The following AFAP1L1 variants were observed in gnomAD, a reference collection of about 807,000 sequenced individuals.
AFAP1L1 encodes the protein actin filament-associated protein 1-like 1.
In AFAP1L1, 77 loss-of-function variants were observed where a neutral mutation model predicts 99.8. The observed-to-expected ratio is 0.77, with a 90% CI of 0.64 to 0.93. The LOEUF (loss-of-function observed/expected upper bound fraction) is 0.93. Ranked by LOEUF, AFAP1L1 falls within the 40% of genes least tolerant of loss-of-function variation. AFAP1L1 has a pLI of 0.00. For synonymous variants in AFAP1L1, 373 were observed against 395.3 expected, an observed-to-expected ratio of 0.94 and a Z score of 0.67; for missense variants, 893 against 996.8, an observed-to-expected ratio of 0.90 and a Z score of 1.40.
At position 149,307,469 on chromosome 5, in the gene AFAP1L1, C is replaced by A; in HGVS notation, c.603C>A (p.Ser201Arg). 1 of 1,614,138 alleles carries A rather than the reference C, an allele frequency of 6.2e-7. No individual in the cohort carries two copies. Among genetic ancestry groups the A allele is most frequent in the Non-Finnish European group, 8.5e-7 (1 of 1,180,016 alleles). ...ATGAAGAGGAGGAGGAAGGGAAGAG[C>A]CCGCAGCCCCGACACCAGTGGCCCT... is the stretch of plus-strand genomic sequence containing the variant. ...SYDEEEEEGK[S>R]PQPRHQWPSE... The change falls in exon 7 of 19, where the codon AGC (serine) becomes AGA (arginine). Residue 201 changes from serine (S) to arginine (R), a missense_variant. Transcript: ENST00000296721.
Position 149,341,660 on chromosome 5 carries a change from G to A in AFAP1L1, c.*1630G>A, listed in dbSNP as rs1016705397. ...TAGTCCCAGCTACTCAGGAGGCTGA[G>A]GCAGGAGGACCGCTTGAGCCCAGGA... On this transcript the variant is annotated 3_prime_UTR_variant, in exon 19 of 19. Transcript: ENST00000296721. 11 of 152,372 alleles carry A rather than the reference G, an allele frequency of 7.2e-5. No individual in the cohort carries two copies. Among genetic ancestry groups the A allele is most frequent in the African/African-American group, 2.6e-4 (11 of 41,568 alleles). The allele number at this position is 152,372 out of a possible 1,614,324, so 9.4% of individuals were successfully genotyped here.
intron 16 of AFAP1L1, among the ~76,000 whole-genome samples, chr5:149,332,341 G>A (rs949958349): frequency 6.6e-6 from 1 of 152,176 alleles, no homozygotes; most frequent in African/African-American, 2.4e-5. Context: ...AGGTTGCAGT[G>A]AGCTGAGATC....
chr5:149,329,879 C>T (rs757520211), intron 16 of AFAP1L1, 49 bp downstream of exon 16: 5 of 1,510,780 alleles, frequency 3.3e-6, no homozygotes, highest in Non-Finnish European at 4.4e-6. Flanking sequence ...CCAGCTCATC[C>T]TTGGGTACAG....
chr5:149,335,743 C>T, intron 18 of AFAP1L1, 21 bp downstream of exon 18: 2 of 1,603,716 alleles, frequency 1.2e-6, no homozygotes, highest in South Asian at 2.3e-5. Flanking sequence ...AGTTCTGCTC[C>T]TCAAAAATCA....
At chr5:149,281,134 T>C (rs10062080) in intron 1 of AFAP1L1, among the ~76,000 whole-genome samples, 73,440 of 152,006 alleles carry the variant, frequency 0.48, 18,345 homozygotes, top group East Asian at 0.78. Context: ...CACTTAGCAG[T>C]CATTCACGGT....
chr5:149,315,703 C>T, intron 9 of AFAP1L1, 118 bp from the exon 10 acceptor site: 1 of 815,388 alleles, frequency 1.2e-6, no homozygotes, highest in East Asian at 2.7e-5. Context: ...TGCTGACAAA[C>T]ATTTGTTAGC....
chr5:149,316,301 G>A lies in AFAP1L1; in HGVS notation c.1265G>A (p.Cys422Tyr), dbSNP rs1756795951. 1 of 1,613,818 alleles carries A rather than the reference G, an allele frequency of 6.2e-7. No individual in the cohort carries two copies. The highest frequency in any genetic ancestry group is 8.5e-7 in the Non-Finnish European group (1 of 1,179,888). ...TSSTEEEVPCCGYLNVLVNQG... is the reference protein window; with the variant it reads ...TSSTEEEVPCYGYLNVLVNQG... ...TCCACCGAGGAGGAGGTTCCCTGCT[G>A]TGGTGGGTCCAGGGCACGGGGAGGA... The change falls in exon 11 of 19, where the codon TGT becomes TAT. Residue 422 changes from cysteine to tyrosine, a missense_variant and splice_region_variant. Coordinates refer to ENST00000296721, the MANE Select transcript of AFAP1L1 (RefSeq NM_152406.4).
intron 12 of AFAP1L1, 76 bp downstream of exon 12, chr5:149,318,016 G>T (rs981483015): frequency 2.0e-6 from 3 of 1,491,858 alleles, no homozygotes; most frequent in African/African-American, 2.8e-5. Flanking sequence ...TTGTTTGGGG[G>T]AGCCCTTGCT....
chr5:149,302,268 C>A, intron 4 of AFAP1L1, 150 bp from the exon 5 acceptor site: 1 of 531,914 alleles, frequency 1.9e-6, no homozygotes, highest in Non-Finnish European at 3.2e-6. Flanking sequence ...AATATGCCCT[C>A]GAGTTTTACC....
At chr5:149,318,782 T>C (rs1240170768) in intron 12 of AFAP1L1, among the ~76,000 whole-genome samples, 2 of 152,232 alleles carry the variant, frequency 1.3e-5, no homozygotes, top group Admixed American at 1.3e-4. Context: ...AACTACCTTC[T>C]GCCATTACAG....
At chr5:149,298,705 A>G (rs1443609302) in intron 1 of AFAP1L1, among the ~76,000 whole-genome samples, 1 of 152,216 alleles carries the variant, frequency 6.6e-6, no homozygotes, top group African/African-American at 2.4e-5. Context: ...GTTACTTTTC[A>G]GGACAGGGAG....
intron 1 of AFAP1L1, among the ~76,000 whole-genome samples, chr5:149,280,145 A>G (rs1362343462): frequency 6.6e-6 from 1 of 152,252 alleles, no homozygotes; most frequent in Non-Finnish European, 1.5e-5. Context: ...AGGATTCTCC[A>G]TGTCAATGAT....
Position 149,340,031 on chromosome 5 carries a change from G to A in AFAP1L1, c.*1G>A. On this transcript the variant is annotated 3_prime_UTR_variant, in exon 19 of 19. Coordinates refer to ENST00000296721, the MANE Select transcript of AFAP1L1 (RefSeq NM_152406.4). ...GGAATGGGAAATGAAGAAGACCTAG[G>A]AAGAGGATGAGGATTTCATTCCAAA... The A allele has an allele frequency of 2.5e-6, 4 of 1,613,986 alleles. No homozygotes were observed. The South Asian group carries it at 3.3e-5, about 13-fold the overall frequency.
chr5:149,333,586 C>T (rs74579181), intron 17 of AFAP1L1, among the ~76,000 whole-genome samples: 3 of 149,132 alleles, frequency 2.0e-5, no homozygotes, highest in African/African-American at 7.5e-5. Context: ...CTTCTCTGAC[C>T]TCATCTACAC....
At position 149,320,270 on chromosome 5, in the gene AFAP1L1, C is replaced by A. The variant is rs750222047; in HGVS notation, c.1626-121C>A. On this transcript the variant is annotated intron_variant, in intron 13 of 18. Coordinates refer to ENST00000296721, the MANE Select transcript of AFAP1L1 (RefSeq NM_152406.4). The surrounding 1 kb of genome is among the most constrained non-coding windows in gnomAD (Gnocchi z 4.0). ...AATGCTGCCTGCCATCTTGCTTTTACCAATCTTCTGATCTGCCTTAAGAGT... is the reference window on the plus strand; with the variant it reads ...AATGCTGCCTGCCATCTTGCTTTTAACAATCTTCTGATCTGCCTTAAGAGT... 2.1e-6 allele frequency: 2 copies of A among 950,970 alleles called. No homozygotes were observed. The highest frequency in any genetic ancestry group is 3.3e-6 in the Non-Finnish European group (2 of 614,892). 58.9% of individuals were successfully genotyped at this position (950,970 alleles called of 1,614,324 possible).
rs1429050384 is a variant in AFAP1L1 at position 149,341,759 on chromosome 5, C to T, written c.*1729C>T. 2.6e-5 allele frequency: 4 copies of T among 151,842 alleles called. No homozygotes were observed. Among genetic ancestry groups the T allele is most frequent in the Admixed American group, 2.0e-4 (3 of 15,236 alleles). 9.4% of individuals were successfully genotyped at this position (151,842 alleles called of 1,614,324 possible). On this transcript the variant is annotated 3_prime_UTR_variant, in exon 19 of 19. Transcript: ENST00000296721. ...CTCCAGCCTAAGCAAATAGCAAGAC[C>T]CCATCTATTAAAAAAAAAAAGTGGC...
chr5:149,322,357 A>G (rs995521041), intron 14 of AFAP1L1, among the ~76,000 whole-genome samples: 3 of 152,104 alleles, frequency 2.0e-5, no homozygotes, highest in African/African-American at 7.2e-5. Flanking sequence ...GAGACTTTCT[A>G]ATTTTCCTCT....
chr5:149,308,611 A>G (rs1756510517), intron 7 of AFAP1L1, among the ~76,000 whole-genome samples: 1 of 152,238 alleles, frequency 6.6e-6, no homozygotes, highest in South Asian at 2.1e-4. Context: ...CTTGCCCAAC[A>G]TCAATGCATC....
intron 1 of AFAP1L1, among the ~76,000 whole-genome samples, chr5:149,291,598 G>A (rs966820496): frequency 1.3e-5 from 2 of 148,948 alleles, no homozygotes; most frequent in Non-Finnish European, 3.0e-5. Context: ...CACAGAAAAG[G>A]CTGCTCTTCC....
Sources: gnomAD v4.1 joint callset for allele counts (sites outside exome capture counted in the v4.1 genomes callset) on GRCh38, gnomAD v4.1.1 for gene constraint, Gnocchi (gnomAD v3.1) non-coding constraint, MANE v1.5 for transcripts, NCBI Gene and HGNC (gene_info 2026-07-23, HGNC 2026-07-21) for gene names.